HERC1: variants seen among roughly 807,000 people sequenced by gnomAD.
HERC1 encodes HECT and RLD domain containing E3 ubiquitin protein ligase family member 1.
Under a neutral mutation model 554.3 loss-of-function variants are expected in HERC1, and 160 were observed. The ratio of observed to expected loss-of-function variants is 0.29; its 90% CI spans 0.25 to 0.33. HERC1 has a LOEUF of 0.33. Ranked by LOEUF, HERC1 falls within the 10% of genes least tolerant of loss-of-function variation. The pLI, the probability that HERC1 is intolerant of heterozygous loss-of-function variation, is 1.00. For synonymous variants in HERC1, 2,175 were observed against 2,131.7 expected (o/e 1.02, Z -0.56); for missense variants, 4,919 against 5,918.5 (o/e 0.83, Z 5.54).
At position 63,694,759 on chromosome 15, in the gene HERC1, G is replaced by A. The variant is rs1406631404; in HGVS notation, c.5242+15C>T. On this transcript the variant is annotated intron_variant, in intron 28 of 77. Transcript: ENST00000443617. The surrounding 1 kb of genome is among the most constrained non-coding windows in gnomAD (Gnocchi z 4.3). The stretch of plus-strand genomic sequence containing the variant: ...TGTAACCTGCACTGTACATTTGCAG[G>A]AACCGTTTACTTACCAATGTGATGC... 3.1e-6 allele frequency: 5 copies of A among 1,613,688 alleles called. No homozygotes were observed. Among genetic ancestry groups the A allele is most frequent in the Non-Finnish European group, 4.2e-6 (5 of 1,179,816 alleles).
At position 63,638,795 on chromosome 15, in the gene HERC1, A is replaced by G. The variant is rs572849236; in HGVS notation, c.11902-19T>C. 8.1e-6 allele frequency: 13 copies of G among 1,597,190 alleles called. No individual in the cohort carries two copies. In the East Asian group the frequency reaches 2.7e-4, roughly 33 times the overall value. The stretch of plus-strand genomic sequence containing the variant: ...TGTTATCCTGAAAAACAGGGGGTAC[A>G]TAATGATCAATTCTGCTTAGGCAAG... On this transcript the variant is annotated intron_variant, in intron 61 of 77. Transcript: ENST00000443617.
At position 63,666,442 on chromosome 15, in the gene HERC1, G is replaced by A. The variant is rs1303078385; in HGVS notation, c.8237C>T (p.Thr2746Ile). The A allele has an allele frequency of 1.9e-6, 3 of 1,613,406 alleles. No homozygotes were observed. The highest frequency in any genetic ancestry group is 1.1e-5 in the South Asian group (1 of 91,010). ...ALSDPSSRLS[T>I]SPPPPAIAVP... ...TGCAATTGCTGGAGGAGGAGGAGAA[G>A]TTGAAAGTCTACTGCTTGGGTCTGA... Residue 2746 changes from threonine to isoleucine, a missense_variant, in exon 41 of 78, where the codon ACT becomes ATT. Physicochemically the swap from Thr to Ile is moderately conservative, Grantham distance 89 (BLOSUM62 -1). This residue lies in a region of HERC1 where 1,963 missense variants were observed against 2,228.6 expected (regional missense o/e 0.88). Transcript: ENST00000443617.
At chr15:63,645,170 C>A in intron 56 of HERC1, 73 bp from the exon 57 acceptor site, 1 of 1,075,124 alleles carries the variant, frequency 9.3e-7, no homozygotes, top group South Asian at 1.3e-5. Context: ...GAATTGCAAT[C>A]AATTAAGATC....
In HERC1 at chr15:63,647,832, G is replaced by A. The variant is rs186774937; in HGVS notation, c.10878+237C>T. 2.6e-5 allele frequency among the ~76,000 whole-genome samples: 4 copies of A among 152,312 alleles called. No homozygotes were observed. In the East Asian group the frequency reaches 5.8e-4, roughly 22 times the overall value. On this transcript the variant is annotated intron_variant, in intron 55 of 77. Coordinates refer to ENST00000443617, the MANE Select transcript of HERC1 (RefSeq NM_003922.4). ...AACAACAGATGTTGGCAAGAAAGTG[G>A]TGAAAAGGGAACTCACGTGTACACA...
chr15:63,648,740 G>A (rs1302043565), intron 54 of HERC1, among the ~76,000 whole-genome samples: 2 of 152,182 alleles, frequency 1.3e-5, no homozygotes, highest in Admixed American at 6.5e-5. Context: ...TAGAATGGGA[G>A]TGTGGGAACT....
chr15:63,627,565 G>A (rs551359907), intron 70 of HERC1, among the ~76,000 whole-genome samples: 7 of 151,874 alleles, frequency 4.6e-5, no homozygotes, highest in Admixed American at 1.3e-4. Flanking sequence ...TCCCAGCTAC[G>A]TGGGAGGCTG....
chr15:63,811,758 G>T (rs530481066), intron 1 of HERC1, among the ~76,000 whole-genome samples: 1 of 144,854 alleles, frequency 6.9e-6, no homozygotes, highest in East Asian at 2.0e-4. Flanking sequence ...GCAGTGAGCC[G>T]AGATCGCGCC....
rs759570400 is a variant in HERC1 at position 63,829,479 on chromosome 15, A to AATATATAT, written c.-27+4340_-27+4347dup. Among the ~76,000 whole-genome samples the AATATATAT allele has an allele frequency of 1.1e-3, 92 of 87,598 alleles. 1 individual carries two copies. Among genetic ancestry groups the AATATATAT allele is most frequent in the African/African-American group, 5.0e-3 (89 of 17,852 alleles). 57.5% of individuals were successfully genotyped at this position (87,598 alleles called of 152,430 possible). On this transcript the variant is annotated intron_variant, in intron 1 of 77. Coordinates refer to ENST00000443617, the MANE Select transcript of HERC1 (RefSeq NM_003922.4). ...GTGTGTGCACATATATGTTTATATA[A>AATATATAT]ATATATATATATATATATATACACA...
At chr15:63,614,293 G>C (rs976232755) in intron 76 of HERC1, among the ~76,000 whole-genome samples, 2 of 152,186 alleles carry the variant, frequency 1.3e-5, no homozygotes, top group African/African-American at 4.8e-5. Flanking sequence ...TGGGCACTCA[G>C]TGCTTTCTTC....
At chr15:63,767,502 C>T (rs2075818711) in intron 2 of HERC1, among the ~76,000 whole-genome samples, 1 of 151,976 alleles carries the variant, frequency 6.6e-6, no homozygotes, top group Admixed American at 6.6e-5. Context: ...GAGTTAGAGA[C>T]CAGCCTGACC....
chr15:63,729,735 T>A lies in HERC1; in HGVS notation c.2869-86A>T, dbSNP rs144874174. On this transcript the variant is annotated intron_variant, in intron 14 of 77. Transcript: ENST00000443617. Reference sequence around the variant, plus strand: ...ACCATAAATCTGATTTAAGCAGCATTATATGGGCTGGGTGCGGTGACTCAC... The same window carrying A: ...ACCATAAATCTGATTTAAGCAGCATAATATGGGCTGGGTGCGGTGACTCAC... 2.0e-4 allele frequency: 273 copies of A among 1,374,506 alleles called. 1 individual carries two copies. In the African/African-American group the frequency reaches 3.6e-3, roughly 18 times the overall value. 85.1% of individuals were successfully genotyped at this position (1,374,506 alleles called of 1,614,324 possible).
Position 63,712,910 on chromosome 15 carries a change from C to CAAA in HERC1, c.4464-18_4464-16dup. ...GACTTTCACTCCTGTCTCACATGTA[C>CAAA]AAAAAAAAAAGTTTTTTGATTTAGG... On this transcript the variant is annotated splice_polypyrimidine_tract_variant and intron_variant, in intron 23 of 77. Coordinates refer to ENST00000443617, the MANE Select transcript of HERC1 (RefSeq NM_003922.4). 2 of 1,423,072 alleles carry CAAA rather than the reference C, an allele frequency of 1.4e-6. No homozygotes were observed. Among genetic ancestry groups the CAAA allele is most frequent in the African/African-American group, 2.9e-5 (2 of 67,816 alleles). 88.2% of individuals were successfully genotyped at this position (1,423,072 alleles called of 1,614,324 possible).
At chr15:63,633,432 G>A (rs59766681) in intron 67 of HERC1, among the ~76,000 whole-genome samples, 16,268 of 152,178 alleles carry the variant, frequency 0.11, 1,049 homozygotes, top group African/African-American at 0.16. Flanking sequence ...GATTTCCTTT[G>A]TATTGTTTTC....
intron 1 of HERC1, among the ~76,000 whole-genome samples, chr15:63,781,919 C>T (rs1202591374): frequency 6.6e-6 from 1 of 152,228 alleles, no homozygotes; most frequent in Non-Finnish European, 1.5e-5. Flanking sequence ...TCAAACCAGT[C>T]ACAATATTCC....
chr15:63,774,579 C>A, intron 2 of HERC1, 115 bp downstream of exon 2: 1 of 766,082 alleles, frequency 1.3e-6, no homozygotes, highest in Non-Finnish European at 2.1e-6. Flanking sequence ...ATTTAATTAA[C>A]TCAACAATCA....
At chr15:63,618,892 T>G (rs1595827754) in intron 74 of HERC1, among the ~76,000 whole-genome samples, 1 of 152,238 alleles carries the variant, frequency 6.6e-6, no homozygotes, top group Non-Finnish European at 1.5e-5. Context: ...AAGGAGATTT[T>G]GGGATGAGAT....
At chr15:63,826,531 A>C (rs2077909381) in intron 1 of HERC1, among the ~76,000 whole-genome samples, 1 of 152,008 alleles carries the variant, frequency 6.6e-6, no homozygotes, top group Non-Finnish European at 1.5e-5. Flanking sequence ...AAACCCCAAA[A>C]GTATTTTAGA....
intron 77 of HERC1, among the ~76,000 whole-genome samples, chr15:63,611,652 G>A (rs988948498): frequency 3.3e-5 from 5 of 152,216 alleles, no homozygotes; most frequent in African/African-American, 1.2e-4. Context: ...GCAGTATGAT[G>A]ATCCTTCTGC....
intron 43 of HERC1, among the ~76,000 whole-genome samples, chr15:63,664,188 A>G (rs1427450236): frequency 6.6e-6 from 1 of 152,218 alleles, no homozygotes; most frequent in Non-Finnish European, 1.5e-5. Flanking sequence ...ATTATAATTG[A>G]CTGAGAGCAG....
Sources: allele counts gnomAD v4.1 joint callset (sites outside exome capture counted in the v4.1 genomes callset), GRCh38; gene constraint gnomAD v4.1.1; regional missense constraint gnomAD v4.1.1; non-coding constraint Gnocchi (gnomAD v3.1); transcripts MANE v1.5; gene names NCBI Gene and HGNC (gene_info 2026-07-23, HGNC 2026-07-21).